SETBP1: variants seen among roughly 807,000 people sequenced by gnomAD.
The protein encoded by SETBP1 is SET binding protein 1.
SETBP1 carries 9 observed loss-of-function variants against 101.0 expected under a neutral mutation model. The observed-to-expected ratio is 0.09, with a 90% CI of 0.05 to 0.16. The LOEUF is 0.16. SETBP1 is among the 10% of genes least tolerant of loss of function. The probability of loss-of-function intolerance (pLI) is 1.00; values close to 1 mark genes in which losing one functional copy is unlikely to be tolerated. For synonymous variants in SETBP1, 818 were observed against 788.5 expected (o/e 1.04, Z -0.63); for missense variants, 1,858 against 2,033.8 (o/e 0.91, Z 1.66).
At chr18:44,834,893 T>C (rs2072463526) in intron 2 of SETBP1, among the ~76,000 whole-genome samples, 1 of 152,138 alleles carries the variant, frequency 6.6e-6, no homozygotes, top group Admixed American at 6.6e-5. Context: ...GGCAGTTCTC[T>C]GGAAAGGGTG....
At chr18:44,826,786 A>C (rs1282063324) in intron 2 of SETBP1, among the ~76,000 whole-genome samples, 1 of 152,176 alleles carries the variant, frequency 6.6e-6, no homozygotes, top group African/African-American at 2.4e-5. Context: ...AAAGGAACCA[A>C]GGAATGATTC....
intron 1 of SETBP1, among the ~76,000 whole-genome samples, chr18:44,699,749 C>G (rs1456334081): frequency 6.6e-6 from 1 of 152,210 alleles, no homozygotes; most frequent in Admixed American, 6.5e-5. Flanking sequence ...TGAATATGCT[C>G]CTGGGCTTCT....
At chr18:45,042,447 G>T (rs879503627) in intron 5 of SETBP1, among the ~76,000 whole-genome samples, 2 of 152,152 alleles carry the variant, frequency 1.3e-5, no homozygotes, top group Non-Finnish European at 2.9e-5. Flanking sequence ...CAATTAAATG[G>T]AAATCATTTG....
At chr18:44,769,229 G>A (rs1260455966) in intron 2 of SETBP1, among the ~76,000 whole-genome samples, 1 of 152,202 alleles carries the variant, frequency 6.6e-6, no homozygotes, top group East Asian at 1.9e-4. Flanking sequence ...CTTAACACAT[G>A]TCCCTTTTTA....
intron 4 of SETBP1, among the ~76,000 whole-genome samples, chr18:44,971,663 A>T (rs1013565894): frequency 6.6e-6 from 1 of 152,212 alleles, no homozygotes; most frequent in Non-Finnish European, 1.5e-5. Flanking sequence ...TTTTGGCTGC[A>T]TAAATATCTT....
At chr18:44,964,350 G>C (rs144230703) in intron 4 of SETBP1, among the ~76,000 whole-genome samples, 1 of 152,108 alleles carries the variant, frequency 6.6e-6, no homozygotes, top group East Asian at 1.9e-4. Flanking sequence ...AACCAGCCTG[G>C]GCAACAGGAG....
At chr18:44,793,062 G>A (rs2071400590) in intron 2 of SETBP1, among the ~76,000 whole-genome samples, 1 of 152,156 alleles carries the variant, frequency 6.6e-6, no homozygotes. Flanking sequence ...ATTATTATTT[G>A]GGAATCATGG....
rs759424888 is a variant in SETBP1 at position 45,038,438 on chromosome 18, C to G, written c.4001-47C>G. The G allele has an allele frequency of 7.0e-6, 11 of 1,571,688 alleles. No individual in the cohort carries two copies. In the South Asian group the frequency reaches 1.2e-4, roughly 17 times the overall value. On this transcript the variant is annotated intron_variant, in intron 4 of 5. Coordinates refer to ENST00000649279, the MANE Select transcript of SETBP1 (RefSeq NM_015559.3). ...GTCCAGGTTACATGTTGTCTATCTTCCTGTTCCCTTAAAGTGACTGAAAGC... is the reference window on the plus strand; with the variant it reads ...GTCCAGGTTACATGTTGTCTATCTTGCTGTTCCCTTAAAGTGACTGAAAGC...
intron 2 of SETBP1, among the ~76,000 whole-genome samples, chr18:44,729,857 C>CG (rs1383046427): frequency 6.6e-6 from 1 of 152,124 alleles, no homozygotes. Context: ...CAGGAGGTCC[C>CG]GGGGAGGCTG....
intron 3 of SETBP1, among the ~76,000 whole-genome samples, chr18:44,876,250 C>A (rs2069400309): frequency 6.6e-6 from 1 of 152,146 alleles, no homozygotes; most frequent in South Asian, 2.1e-4. Context: ...TTGATTTCAC[C>A]ACATAATATT....
chr18:44,924,267 C>T (rs2070647940), intron 3 of SETBP1, among the ~76,000 whole-genome samples: 2 of 152,154 alleles, frequency 1.3e-5, no homozygotes, highest in South Asian at 4.1e-4. Flanking sequence ...CTGTCCTTCC[C>T]TCTGATAAAC....
At chr18:44,917,379 G>A (rs918857955) in intron 3 of SETBP1, among the ~76,000 whole-genome samples, 1 of 152,148 alleles carries the variant, frequency 6.6e-6, no homozygotes, top group Non-Finnish European at 1.5e-5. Context: ...ATTTGGGAGT[G>A]TTTCCAGCTC....
intron 3 of SETBP1, among the ~76,000 whole-genome samples, chr18:44,899,606 G>T (rs2069991018): frequency 6.6e-6 from 1 of 152,088 alleles, no homozygotes; most frequent in Non-Finnish European, 1.5e-5. Context: ...ACACTTAGAA[G>T]ATCTCACACT....
At chr18:44,863,914 C>A (rs141948169) in intron 2 of SETBP1, among the ~76,000 whole-genome samples, 7 of 152,238 alleles carry the variant, frequency 4.6e-5, no homozygotes, top group Non-Finnish European at 7.4e-5. Flanking sequence ...TGCATAAGAT[C>A]CTTCTGGCCA....
chr18:44,967,976 G>A (rs1400602398), intron 4 of SETBP1, among the ~76,000 whole-genome samples: 1 of 152,078 alleles, frequency 6.6e-6, no homozygotes, highest in Admixed American at 6.6e-5. Context: ...TTGTGATCTG[G>A]TAGATGGAGG....
intron 4 of SETBP1, among the ~76,000 whole-genome samples, chr18:44,991,195 G>A (rs995992190): frequency 7.2e-6 from 1 of 139,492 alleles, no homozygotes; most frequent in African/African-American, 2.6e-5. Flanking sequence ...GTAAACCAAG[G>A]TTGCGCCACT....
At chr18:44,708,593 T>C (rs2069269325) in intron 2 of SETBP1, among the ~76,000 whole-genome samples, 1 of 152,138 alleles carries the variant, frequency 6.6e-6, no homozygotes, top group African/African-American at 2.4e-5. Context: ...GCAGGGAGCA[T>C]TGGACATGTC....
At chr18:44,841,857 G>A (rs536978330) in intron 2 of SETBP1, among the ~76,000 whole-genome samples, 1 of 152,240 alleles carries the variant, frequency 6.6e-6, no homozygotes, top group East Asian at 1.9e-4. Flanking sequence ...AAATATATGA[G>A]CTCCCTGTGT....
At chr18:44,938,248 G>A (rs1488310889) in intron 3 of SETBP1, among the ~76,000 whole-genome samples, 1 of 152,212 alleles carries the variant, frequency 6.6e-6, no homozygotes, top group African/African-American at 2.4e-5. Flanking sequence ...CCCACCAGGA[G>A]CGTCCTGAGA....
Sources: gnomAD v4.1 joint callset for allele counts (sites outside exome capture counted in the v4.1 genomes callset) on GRCh38, gnomAD v4.1.1 for gene constraint, MANE v1.5 for transcripts, NCBI Gene and HGNC (gene_info 2026-07-23, HGNC 2026-07-21) for gene names.